Variants in PCDHA1 observed in about 807,000 individuals in gnomAD.
The protein encoded by PCDHA1 is protocadherin alpha-1.
In PCDHA1, 42 loss-of-function variants were observed where a neutral mutation model predicts 61.3. The ratio of observed to expected loss-of-function variants is 0.69; its 90% confidence interval spans 0.54 to 0.89. The LOEUF (loss-of-function observed/expected upper bound fraction) is 0.89, where lower values mean the gene tolerates loss of function less well. Ranked by LOEUF, PCDHA1 falls within the 40% of genes least tolerant of loss-of-function variation. The pLI is 0.00. For missense variants in PCDHA1, 1,256 were observed against 1,235.3 expected (o/e 1.02, Z -0.25); for synonymous variants, 610 against 553.8 (o/e 1.10, Z -1.43).
chr5:140,858,275 G>C (rs2045316714), intron 1 of PCDHA1: 2 of 1,597,458 alleles, frequency 1.3e-6, no homozygotes, highest in African/African-American at 1.3e-5. Context: ...CTCTAGCGCG[G>C]TGGGGAGCTG....
chr5:140,856,900 C>A, intron 1 of PCDHA1: 1 of 1,596,130 alleles, frequency 6.3e-7, no homozygotes, highest in Non-Finnish European at 8.6e-7. Flanking sequence ...GCTCTTTGGT[C>A]CCACCCACGA....
intron 1 of PCDHA1, chr5:140,821,776 A>T: frequency 6.2e-7 from 1 of 1,605,968 alleles, no homozygotes; most frequent in Non-Finnish European, 8.5e-7. Flanking sequence ...CGAGATTGAG[A>T]TGGTATATTC....
Position 140,787,466 on chromosome 5 carries a change from C to A in PCDHA1, c.1176C>A (p.His392Gln). Reference sequence around the variant, plus strand: ...AGGTGACTTGCTCCTTAATGCCCCACGTCCCCTTCAAGCTGGTGTCCACCT... The same window carrying A: ...AGGTGACTTGCTCCTTAATGCCCCAAGTCCCCTTCAAGCTGGTGTCCACCT... ...NGQVTCSLMP[H>Q]VPFKLVSTFK... Residue 392 changes from histidine to glutamine, a missense_variant, in exon 1 of 4, where the codon CAC becomes CAA. Coordinates refer to ENST00000504120, the MANE Select transcript of PCDHA1 (RefSeq NM_018900.4). 1 of 1,614,230 alleles carries A rather than the reference C, an allele frequency of 6.2e-7. No individual in the cohort carries two copies. Among genetic ancestry groups the A allele is most frequent in the Non-Finnish European group, 8.5e-7 (1 of 1,180,048 alleles).
chr5:140,946,782 C>T (rs1225488337), intron 1 of PCDHA1, among the ~76,000 whole-genome samples: 1 of 151,104 alleles, frequency 6.6e-6, no homozygotes, highest in African/African-American at 2.4e-5. Flanking sequence ...TGTAAAAAAG[C>T]TGATCTTATA....
chr5:140,916,721 T>G (rs2077698319), intron 1 of PCDHA1, among the ~76,000 whole-genome samples: 1 of 152,186 alleles, frequency 6.6e-6, no homozygotes, highest in Non-Finnish European at 1.5e-5. Context: ...AAGGAGTGAC[T>G]TTTGTTGCTG....
Position 140,841,931 on chromosome 5 carries a change from G to T in PCDHA1, c.2394+53247G>T, listed in dbSNP as rs1554138650. ...ATTAAGAAAATCCTTGGACAGAGAG[G>T]ACGCTCCTGCGCACCACTTATTCCT... On this transcript the variant is annotated intron_variant, in intron 1 of 3. Coordinates refer to ENST00000504120, the MANE Select transcript of PCDHA1 (RefSeq NM_018900.4). The T allele has an allele frequency of 4.3e-6, 7 of 1,613,782 alleles. No homozygotes were observed. In the African/African-American group the frequency reaches 9.4e-5, roughly 22 times the overall value.
At chr5:140,830,063 G>A (rs1554132505) in intron 1 of PCDHA1, 1 of 1,613,704 alleles carries the variant, frequency 6.2e-7, no homozygotes, top group Non-Finnish European at 8.5e-7. Context: ...CGGTGAGCCG[G>A]CGCTGACAGC....
intron 1 of PCDHA1, among the ~76,000 whole-genome samples, chr5:140,884,903 T>C (rs1462790087): frequency 1.3e-5 from 2 of 152,268 alleles, no homozygotes; most frequent in Admixed American, 1.3e-4. Flanking sequence ...GTTTCTGTTG[T>C]ATTCTTAATA....
chr5:140,926,054 T>C (rs1018660828), intron 1 of PCDHA1, among the ~76,000 whole-genome samples: 1 of 152,182 alleles, frequency 6.6e-6, no homozygotes, highest in Non-Finnish European at 1.5e-5. Flanking sequence ...CCCAACCTTC[T>C]TCCCCTCCTT....
intron 1 of PCDHA1, among the ~76,000 whole-genome samples, chr5:140,903,821 A>G (rs2153482193): frequency 6.6e-6 from 1 of 152,320 alleles, no homozygotes. Context: ...TCTCACATGA[A>G]TGTCTGTTGG....
At chr5:140,884,130 C>A in intron 1 of PCDHA1, 1 of 1,613,434 alleles carries the variant, frequency 6.2e-7, no homozygotes, top group South Asian at 1.1e-5. Context: ...GCGCGCATCC[C>A]GTTCCGCGTG....
At chr5:140,794,189 A>C (rs1437321149) in intron 1 of PCDHA1, among the ~76,000 whole-genome samples, 2 of 152,256 alleles carry the variant, frequency 1.3e-5, no homozygotes, top group Admixed American at 6.5e-5. Context: ...CAGCCTTAAA[A>C]AGGAAAGAAG....
intron 1 of PCDHA1, chr5:140,829,604 T>C: frequency 1.2e-6 from 2 of 1,612,064 alleles, no homozygotes; most frequent in Non-Finnish European, 1.7e-6. Context: ...GCGCGCGTTG[T>C]CGAGCTACAT....
chr5:140,822,258 T>A (rs2150114937), intron 1 of PCDHA1: 42 of 1,614,142 alleles, frequency 2.6e-5, no homozygotes, highest in South Asian at 2.0e-4. Flanking sequence ...ATTTGGATAT[T>A]GGAGCAAATG....
At chr5:140,892,927 C>G (rs1554185442) in intron 1 of PCDHA1, among the ~76,000 whole-genome samples, 1 of 152,152 alleles carries the variant, frequency 6.6e-6, no homozygotes, top group African/African-American at 2.4e-5. Context: ...CCTTCCCAGC[C>G]TCTGATAAGC....
chr5:140,877,719 T>G (rs782112072), intron 1 of PCDHA1: 2 of 1,614,102 alleles, frequency 1.2e-6, no homozygotes, highest in South Asian at 1.1e-5. Context: ...GGAGTTGGTC[T>G]TACTCGCAGC....
At chr5:140,876,418 T>C in intron 1 of PCDHA1, 1 of 1,613,982 alleles carries the variant, frequency 6.2e-7, no homozygotes, top group Non-Finnish European at 8.5e-7. Flanking sequence ...GAATAATGCC[T>C]ATGAAATTCA....
At chr5:140,870,161 C>T (rs745813666) in intron 1 of PCDHA1, 10 of 1,614,124 alleles carry the variant, frequency 6.2e-6, no homozygotes, top group Non-Finnish European at 8.5e-6. Context: ...GCCGTGACTT[C>T]CTTGTCCCTC....
intron 1 of PCDHA1, among the ~76,000 whole-genome samples, chr5:140,960,522 T>C (rs1261145307): frequency 6.6e-6 from 1 of 152,090 alleles, no homozygotes; most frequent in African/African-American, 2.4e-5. Flanking sequence ...ATAATGGGTA[T>C]AGGAAAGAGA....
Sources: allele counts gnomAD v4.1 joint callset (sites outside exome capture counted in the v4.1 genomes callset), GRCh38; gene constraint gnomAD v4.1.1; transcripts MANE v1.5; gene names NCBI Gene and HGNC (gene_info 2026-07-23, HGNC 2026-07-21).